The following DIP2C variants were observed in gnomAD, a reference collection of about 807,000 sequenced individuals.
DIP2C encodes the protein DIP2 acetate--CoA ligase C (putative).
DIP2C carries 33 observed loss-of-function variants against 192.4 expected under a neutral mutation model. The observed-to-expected ratio is 0.17, with a 90% CI of 0.13 to 0.23. DIP2C has a LOEUF of 0.23. Among genes scored for constraint, DIP2C ranks in the 10% least tolerant of loss-of-function variants. The pLI, the probability that DIP2C is intolerant of heterozygous loss-of-function variation, is 1.00. For missense variants in DIP2C, 1,537 were observed against 2,110.1 expected (o/e 0.73, Z 5.32); for synonymous variants, 979 against 864.1 (o/e 1.13, Z -2.33).
At chr10:659,882 C>A (rs1012165667) in intron 1 of DIP2C, among the ~76,000 whole-genome samples, 2 of 152,186 alleles carry the variant, frequency 1.3e-5, no homozygotes, top group East Asian at 3.9e-4. Context: ...CTTTCCCAGG[C>A]CTTTTTACTA....
At chr10:577,369 G>A (rs1366668712) in intron 1 of DIP2C, among the ~76,000 whole-genome samples, 1 of 152,238 alleles carries the variant, frequency 6.6e-6, no homozygotes, top group Non-Finnish European at 1.5e-5. Flanking sequence ...ATAAGCATGA[G>A]AAATTAGTCA....
In DIP2C at chr10:651,396, A is replaced by G. The variant is rs1237960025; in HGVS notation, c.85+38098T>C. The G allele has an allele frequency of 2.9e-6, 2 of 700,218 alleles. No individual in the cohort carries two copies. The highest frequency in any genetic ancestry group is 5.4e-5 in the East Asian group (2 of 37,246). The allele number at this position is 700,218 out of a possible 1,614,324, so 43.4% of individuals were successfully genotyped here. A position where few individuals can be genotyped will look rare whatever the true frequency, so the allele number is the denominator to read the frequency against. ...CAGGGAGGCCCCAGCAAACTGTGGA[A>G]CAACCAAACTCGTGACTGAATGAAC... On this transcript the variant is annotated intron_variant, in intron 1 of 36. Coordinates refer to ENST00000280886, the MANE Select transcript of DIP2C (RefSeq NM_014974.3). This position sits in a 1 kb window ranked among gnomAD's most constrained non-coding sequence, Gnocchi z 4.1.
chr10:354,412 C>T (rs2132665429), intron 24 of DIP2C, among the ~76,000 whole-genome samples: 1 of 152,332 alleles, frequency 6.6e-6, no homozygotes. Flanking sequence ...CATGGCACCA[C>T]CCAGCAATCT....
At chr10:520,181 G>C (rs1231454203) in intron 1 of DIP2C, among the ~76,000 whole-genome samples, 1 of 152,186 alleles carries the variant, frequency 6.6e-6, no homozygotes, top group Non-Finnish European at 1.5e-5. Flanking sequence ...AACCAAGGCG[G>C]CTGGGGTCGA....
chr10:556,299 G>A lies in DIP2C; in HGVS notation c.86-69769C>T, dbSNP rs183994801. On this transcript the variant is annotated intron_variant, in intron 1 of 36. Coordinates refer to ENST00000280886, the MANE Select transcript of DIP2C (RefSeq NM_014974.3). ...CCCTCCCACAGCCGGATCCCAGGAC[G>A]GCACCCACCCACCCCCTCCCACAGC... is the stretch of plus-strand genomic sequence containing the variant. Among the ~76,000 whole-genome samples, 16 of 13,484 alleles carry A rather than the reference G, an allele frequency of 1.2e-3. 1 individual carries two copies. The highest frequency in any genetic ancestry group is 1.7e-3 in the Non-Finnish European group (12 of 7,100). The allele number at this position is 13,484 out of a possible 152,430, so 8.8% of individuals were successfully genotyped here. A position where few individuals can be genotyped will look rare whatever the true frequency, so the allele number is the denominator to read the frequency against.
intron 1 of DIP2C, among the ~76,000 whole-genome samples, chr10:487,580 T>TG (rs1564778088): frequency 6.4e-4 from 85 of 133,578 alleles, no homozygotes; most frequent in Non-Finnish European, 3.2e-4. Context: ...TTTTTTTTTT[T>TG]TTTTTTTTTT....
chr10:390,702 A>G (rs1288808642), intron 11 of DIP2C, 38 bp downstream of exon 11: 1 of 1,600,818 alleles, frequency 6.2e-7, no homozygotes, highest in South Asian at 1.1e-5. Context: ...CTGACAAAGG[A>G]CGTGGGCATG....
chr10:578,474 T>A (rs1278643798), intron 1 of DIP2C, among the ~76,000 whole-genome samples: 2 of 152,218 alleles, frequency 1.3e-5, no homozygotes, highest in Non-Finnish European at 2.9e-5. Context: ...TTCTCTCATC[T>A]GGGGATGAAA....
At chr10:582,824 G>GACA (rs537450815) in intron 1 of DIP2C, among the ~76,000 whole-genome samples, 43 of 152,190 alleles carry the variant, frequency 2.8e-4, no homozygotes, top group Non-Finnish European at 5.4e-4. Context: ...AAGGGGCTAT[G>GACA]ACAAAACCTG....
chr10:572,579 T>A (rs1156877015), intron 1 of DIP2C, among the ~76,000 whole-genome samples: 1 of 152,220 alleles, frequency 6.6e-6, no homozygotes, highest in Non-Finnish European at 1.5e-5. Flanking sequence ...TTTAATGTAA[T>A]ACTTGTGAAG....
chr10:512,402 TAA>T (rs776560244), intron 1 of DIP2C, among the ~76,000 whole-genome samples: 1 of 151,178 alleles, frequency 6.6e-6, no homozygotes, highest in East Asian at 2.0e-4. Context: ...CTACTAAAAA[TAA>T]AAAATAAAAA....
Position 363,151 on chromosome 10 carries a change from A to G in DIP2C, c.2592+46T>C. On this transcript the variant is annotated intron_variant, in intron 21 of 36. Transcript: ENST00000280886. This position sits in a 1 kb window ranked among gnomAD's most constrained non-coding sequence, Gnocchi z 5.4. Reference sequence around the variant, plus strand: ...ATGATCTGAATGAAGTAAGGAGGCCAGAAACAAGACACAGGGGACCAGTGC... The same window carrying G: ...ATGATCTGAATGAAGTAAGGAGGCCGGAAACAAGACACAGGGGACCAGTGC... 6.4e-7 allele frequency: 1 copy of G among 1,557,630 alleles called. No individual in the cohort carries two copies. The highest frequency in any genetic ancestry group is 2.3e-5 in the East Asian group (1 of 44,052).
intron 3 of DIP2C, among the ~76,000 whole-genome samples, chr10:442,164 G>T (rs973104581): frequency 3.9e-4 from 60 of 152,312 alleles, no homozygotes; most frequent in African/African-American, 1.1e-3. Flanking sequence ...GTGAAGACGG[G>T]TTGGGGGAAA....
Position 438,292 on chromosome 10 carries a change from C to T in DIP2C, c.394+2579G>A, listed in dbSNP as rs1024146477. On this transcript the variant is annotated intron_variant, in intron 4 of 36. Transcript: ENST00000280886. ...ACTGCTTCTTCCATTTCAAACTCATCGTTTCTCTTATAAAAAGTGGTCAAG... is the reference window on the plus strand; with the variant it reads ...ACTGCTTCTTCCATTTCAAACTCATTGTTTCTCTTATAAAAAGTGGTCAAG... 1.3e-5 allele frequency among the ~76,000 whole-genome samples: 2 copies of T among 152,286 alleles called. 1 individual carries two copies. Among genetic ancestry groups the T allele is most frequent in the South Asian group, 4.1e-4 (2 of 4,822 alleles).
chr10:413,972 T>C lies in DIP2C; in HGVS notation c.998A>G (p.Lys333Arg), dbSNP rs762827708. The change falls in exon 8 of 37, where the codon AAG becomes AGG. Residue 333 changes from lysine (K) to arginine (R), a missense_variant. Transcript: ENST00000280886. Reference protein sequence around the residue: ...ALQRWGTISPKAPCLTTMDTN... With the variant: ...ALQRWGTISPRAPCLTTMDTN... ...GTCCATGGTGGTCAGGCAGGGCGCC[T>C]TGGGCGAGATGGTGCCCCACCTCTG... The C allele has an allele frequency of 6.2e-7, 1 of 1,614,170 alleles. No individual in the cohort carries two copies. Among genetic ancestry groups the C allele is most frequent in the East Asian group, 2.2e-5 (1 of 44,874 alleles).
At chr10:639,709 G>A (rs1454851153) in intron 1 of DIP2C, among the ~76,000 whole-genome samples, 2 of 152,198 alleles carry the variant, frequency 1.3e-5, no homozygotes, top group Non-Finnish European at 2.9e-5. Context: ...AGTCTTTCAT[G>A]TCCACTGCCT....
chr10:305,612 T>C (rs1297112484), intron 32 of DIP2C, among the ~76,000 whole-genome samples: 1 of 152,224 alleles, frequency 6.6e-6, no homozygotes, highest in Non-Finnish European at 1.5e-5. Context: ...TTTACACCAA[T>C]GTAATGTTCT....
intron 32 of DIP2C, among the ~76,000 whole-genome samples, chr10:293,232 A>G (rs1278466328): frequency 6.6e-6 from 1 of 152,182 alleles, no homozygotes; most frequent in Admixed American, 6.5e-5. Context: ...CAGCACCTTC[A>G]ATCTCAAAAA....
intron 1 of DIP2C, among the ~76,000 whole-genome samples, chr10:526,896 A>AAC (rs746920826): frequency 1.3e-5 from 2 of 152,204 alleles, no homozygotes; most frequent in Non-Finnish European, 2.9e-5. Flanking sequence ...CATCATGGAT[A>AAC]ACCAGCCCTC....
Sources: gnomAD v4.1 joint callset for allele counts (sites outside exome capture counted in the v4.1 genomes callset) on GRCh38, gnomAD v4.1.1 for gene constraint, Gnocchi (gnomAD v3.1) non-coding constraint, MANE v1.5 for transcripts, NCBI Gene and HGNC (gene_info 2026-07-23, HGNC 2026-07-21) for gene names.